Variants in CDH13 observed in about 807,000 individuals in gnomAD.
CDH13 encodes the protein cadherin 13, also known as cadherin-13.
In CDH13, 24 loss-of-function variants were observed where a neutral mutation model predicts 63.8. The ratio of observed to expected loss-of-function variants is 0.38; its 90% CI spans 0.27 to 0.53. The LOEUF (loss-of-function observed/expected upper bound fraction) is 0.53. CDH13 is among the 20% of genes least tolerant of loss of function. The pLI is 0.85. For missense variants in CDH13, 1,049 were observed against 903.1 expected, an observed-to-expected ratio of 1.16 and a Z score of -2.07; for synonymous variants, 503 against 355.3, an observed-to-expected ratio of 1.42 and a Z score of -4.67.
chr16:83,466,594 A>C (rs2073322789), intron 6 of CDH13, among the ~76,000 whole-genome samples: 1 of 152,168 alleles, frequency 6.6e-6, no homozygotes, highest in Non-Finnish European at 1.5e-5. Context: ...CATCAACCCA[A>C]AACTCAGGGC....
chr16:83,252,148 A>ATG (rs992836065), intron 5 of CDH13, among the ~76,000 whole-genome samples: 1 of 144,564 alleles, frequency 6.9e-6, no homozygotes, highest in Non-Finnish European at 1.5e-5. Context: ...GTATATATAT[A>ATG]TATATCTTTA....
At chr16:83,346,297 CTG>C (rs1266986583) in intron 6 of CDH13, among the ~76,000 whole-genome samples, 1 of 152,186 alleles carries the variant, frequency 6.6e-6, no homozygotes, top group Non-Finnish European at 1.5e-5. Flanking sequence ...TGGCCCCTCT[CTG>C]TGAGCTGCTT....
At chr16:82,818,115 TGTG>T (rs2037814409) in intron 1 of CDH13, among the ~76,000 whole-genome samples, 1 of 60,716 alleles carries the variant, frequency 1.6e-5, no homozygotes. Context: ...CATGTATGGT[TGTG>T]TGTGTGTGTG....
chr16:82,985,381 G>A (rs1362099748), intron 2 of CDH13, among the ~76,000 whole-genome samples: 2 of 151,950 alleles, frequency 1.3e-5, no homozygotes, highest in Non-Finnish European at 1.5e-5. Context: ...AGTAAAACAT[G>A]GTAGTTACTT....
intron 1 of CDH13, among the ~76,000 whole-genome samples, chr16:82,822,952 C>G (rs182960280): frequency 6.6e-6 from 1 of 152,102 alleles, no homozygotes; most frequent in African/African-American, 2.4e-5. Flanking sequence ...TCTGGAAGTG[C>G]GCTCGCTCAT....
chr16:83,148,058 C>T (rs908953541), intron 4 of CDH13, among the ~76,000 whole-genome samples: 9 of 152,286 alleles, frequency 5.9e-5, no homozygotes, highest in South Asian at 2.1e-4. Flanking sequence ...CTGCCTCAGC[C>T]TCCTGAGTAG....
At chr16:83,067,300 A>T (rs548854385) in intron 3 of CDH13, among the ~76,000 whole-genome samples, 1 of 152,296 alleles carries the variant, frequency 6.6e-6, no homozygotes, top group South Asian at 2.1e-4. Context: ...GCACGGGCTG[A>T]GAACTGAGGA....
intron 1 of CDH13, among the ~76,000 whole-genome samples, chr16:82,797,658 T>A (rs552861593): frequency 1.3e-5 from 2 of 152,194 alleles, no homozygotes; most frequent in South Asian, 2.1e-4. Flanking sequence ...GAAAAAAAAA[T>A]TTAGATTCAG....
At chr16:83,191,530 C>CACATAT (rs1334419994) in intron 4 of CDH13, among the ~76,000 whole-genome samples, 8 of 74,372 alleles carry the variant, frequency 1.1e-4, no homozygotes, top group Admixed American at 3.7e-4. Flanking sequence ...CACACACACA[C>CACATAT]ATATATATAT....
chr16:83,602,312 G>C (rs1011216215), intron 7 of CDH13, 142 bp from the exon 8 acceptor site: 1 of 823,522 alleles, frequency 1.2e-6, no homozygotes, highest in Non-Finnish European at 2.1e-6. Flanking sequence ...TACACAATAG[G>C]TAAAAATGTT....
intron 10 of CDH13, among the ~76,000 whole-genome samples, chr16:83,714,089 A>AG (rs1482523565): frequency 6.6e-6 from 1 of 152,090 alleles, no homozygotes; most frequent in Non-Finnish European, 1.5e-5. Flanking sequence ...CAGTGAGTGG[A>AG]GGGGGGGCTG....
At chr16:83,068,284 C>T (rs773413337) in intron 3 of CDH13, among the ~76,000 whole-genome samples, 1 of 152,136 alleles carries the variant, frequency 6.6e-6, no homozygotes, top group Non-Finnish European at 1.5e-5. Flanking sequence ...TAAGGTTTTG[C>T]CATATAACTT....
intron 10 of CDH13, among the ~76,000 whole-genome samples, chr16:83,692,451 C>T (rs552297474): frequency 3.9e-5 from 6 of 152,324 alleles, no homozygotes; most frequent in African/African-American, 1.4e-4. Context: ...GCTGGACATC[C>T]ACCTGTTGCA....
chr16:83,014,866 A>ATATT (rs1567746130), intron 2 of CDH13, among the ~76,000 whole-genome samples: 3 of 122,476 alleles, frequency 2.4e-5, no homozygotes, highest in Non-Finnish European at 3.3e-5. Flanking sequence ...GTATATATAT[A>ATATT]TGTATATATA....
At chr16:83,713,259 G>C (rs1373775852) in intron 10 of CDH13, among the ~76,000 whole-genome samples, 4 of 152,194 alleles carry the variant, frequency 2.6e-5, no homozygotes, top group African/African-American at 9.6e-5. Flanking sequence ...ATAGATGACA[G>C]TGTGCCAATC....
chr16:83,624,391 C>T (rs993300116), intron 8 of CDH13, among the ~76,000 whole-genome samples: 2 of 149,712 alleles, frequency 1.3e-5, no homozygotes, highest in East Asian at 2.0e-4. Flanking sequence ...CACCAGGGAC[C>T]GGTTTCGTAG....
chr16:82,998,513 C>G (rs1912499751), intron 2 of CDH13, among the ~76,000 whole-genome samples: 1 of 152,100 alleles, frequency 6.6e-6, no homozygotes, highest in Admixed American at 6.5e-5. Context: ...TGAGATCTCA[C>G]TACTAGACTT....
At chr16:83,539,985 T>A (rs919767022) in intron 7 of CDH13, among the ~76,000 whole-genome samples, 4 of 152,204 alleles carry the variant, frequency 2.6e-5, no homozygotes, top group Non-Finnish European at 4.4e-5. Context: ...AAAATTCTCT[T>A]GCTTCTGAAT....
chr16:83,752,474 T>C (rs952924818), intron 11 of CDH13, among the ~76,000 whole-genome samples: 3 of 152,268 alleles, frequency 2.0e-5, no homozygotes, highest in Admixed American at 2.0e-4. Flanking sequence ...ACCTTTAGTT[T>C]CTTGCATTTT....
Sources: allele counts gnomAD v4.1 joint callset (sites outside exome capture counted in the v4.1 genomes callset), GRCh38; gene constraint gnomAD v4.1.1; transcripts MANE v1.5; gene names NCBI Gene and HGNC (gene_info 2026-07-23, HGNC 2026-07-21).